Variants in LYN observed in about 807,000 individuals in gnomAD.
LYN encodes LYN proto-oncogene, Src family tyrosine kinase, also known as tyrosine-protein kinase Lyn.
In LYN, 12 loss-of-function variants were observed where a neutral mutation model predicts 65.0. That is an observed-to-expected ratio of 0.18 (90% CI 0.12 to 0.30). The LOEUF is 0.30. Ranked by LOEUF, LYN falls within the 10% of genes least tolerant of loss-of-function variation. LYN has a pLI of 1.00. For synonymous variants in LYN, 222 were observed against 221.2 expected (o/e 1.00, Z -0.03); for missense variants, 380 against 623.2 (o/e 0.61, Z 4.16).
At chr8:55,900,539 ATTT>A (rs5891598) in intron 1 of LYN, among the ~76,000 whole-genome samples, 46 of 126,380 alleles carry the variant, frequency 3.6e-4, no homozygotes, top group African/African-American at 7.5e-4. Context: ...TGCCCAGCTA[ATTT>A]TTTTTTTTTT....
At position 55,928,303 on chromosome 8, in the gene LYN, G is replaced by A. The variant is rs538400357; in HGVS notation, c.-5-13552G>A. On this transcript the variant is annotated intron_variant, in intron 1 of 12. Coordinates refer to ENST00000519728, the MANE Select transcript of LYN (RefSeq NM_002350.4). ...TGGGACTATAGGCAAGCGCCACCAC[G>A]CCCGGCTAGTTTTTGTATTTTTAGT... Among the ~76,000 whole-genome samples the A allele has an allele frequency of 1.1e-4, 16 of 152,198 alleles. No individual in the cohort carries two copies. The South Asian group carries it at 1.2e-3, about 12-fold the overall frequency.
At chr8:55,960,722 A>G (rs1807247443) in intron 8 of LYN, among the ~76,000 whole-genome samples, 1 of 152,226 alleles carries the variant, frequency 6.6e-6, no homozygotes, top group Non-Finnish European at 1.5e-5. Flanking sequence ...CTGTTAACCC[A>G]GTAAGTTAAT....
At chr8:55,975,093 A>T (rs1385622416) in intron 10 of LYN, among the ~76,000 whole-genome samples, 1 of 152,244 alleles carries the variant, frequency 6.6e-6, no homozygotes, top group Non-Finnish European at 1.5e-5. Flanking sequence ...CATGAATTTC[A>T]TAGAGGAATC....
At chr8:55,978,723 C>T (rs1023681884) in intron 10 of LYN, among the ~76,000 whole-genome samples, 4 of 152,274 alleles carry the variant, frequency 2.6e-5, no homozygotes, top group Non-Finnish European at 4.4e-5. Flanking sequence ...GCAGCGCAGG[C>T]GACGGAGTTC....
intron 10 of LYN, among the ~76,000 whole-genome samples, chr8:55,991,589 C>T (rs1321483213): frequency 1.3e-5 from 2 of 152,088 alleles, no homozygotes; most frequent in African/African-American, 4.8e-5. Context: ...AAGAGTTTCA[C>T]CAGAACCCCC....
chr8:55,935,881 C>A (rs1241318574), intron 1 of LYN, among the ~76,000 whole-genome samples: 2 of 151,880 alleles, frequency 1.3e-5, no homozygotes, highest in African/African-American at 4.8e-5. Flanking sequence ...AGTGCTAGTG[C>A]CCTCACCAAG....
At chr8:55,954,673 A>G (rs920019433) in intron 8 of LYN, among the ~76,000 whole-genome samples, 1 of 152,068 alleles carries the variant, frequency 6.6e-6, no homozygotes, top group African/African-American at 2.4e-5. Context: ...CCCTGTCTCT[A>G]CAAATAAAGA....
chr8:55,962,654 C>T (rs951804931), intron 8 of LYN, among the ~76,000 whole-genome samples: 5 of 152,156 alleles, frequency 3.3e-5, no homozygotes, highest in African/African-American at 1.2e-4. Flanking sequence ...TTGTGCTGTG[C>T]TGCATGTGTT....
At chr8:55,955,874 A>T (rs1807091990) in intron 8 of LYN, among the ~76,000 whole-genome samples, 1 of 152,250 alleles carries the variant, frequency 6.6e-6, no homozygotes, top group African/African-American at 2.4e-5. Flanking sequence ...ATGGCTGAGT[A>T]ATATTCCATT....
rs1270169737 is a variant in LYN, at chr8:56,010,765, C to G, written c.*655C>G. 3 of 230,666 alleles carry G rather than the reference C, an allele frequency of 1.3e-5. No individual in the cohort carries two copies. The highest frequency in any genetic ancestry group is 5.6e-5 in the Admixed American group (1 of 17,708). 14.3% of individuals were successfully genotyped at this position (230,666 alleles called of 1,614,324 possible). Reference sequence around the variant, plus strand: ...ATAGGAGTGGCGTGCACATCTCTCTCTCTTCCAGCAGGAGGAGCCCGTGAG... The same window carrying G: ...ATAGGAGTGGCGTGCACATCTCTCTGTCTTCCAGCAGGAGGAGCCCGTGAG... On this transcript the variant is annotated 3_prime_UTR_variant, in exon 13 of 13. Coordinates refer to ENST00000519728, the MANE Select transcript of LYN (RefSeq NM_002350.4).
At chr8:55,945,119 G>T (rs943416513) in intron 2 of LYN, among the ~76,000 whole-genome samples, 16 of 152,242 alleles carry the variant, frequency 1.1e-4, no homozygotes, top group Middle Eastern at 3.4e-3. Context: ...GGTGAGGTAG[G>T]GTTGATGCAA....
In LYN at chr8:55,963,969, T is replaced by G. The variant is rs117699214; in HGVS notation, c.791-2746T>G. Among the ~76,000 whole-genome samples the G allele has an allele frequency of 5.7e-4, 87 of 152,342 alleles. 2 individuals carry two copies. In the East Asian group the frequency reaches 0.016, roughly 29 times the overall value. On this transcript the variant is annotated intron_variant, in intron 8 of 12. Coordinates refer to ENST00000519728, the MANE Select transcript of LYN (RefSeq NM_002350.4). ...TAAAAAATTTATAATAAAACCTTTT[T>G]GATTTAAATGTAATATTAAAAGGCT... is the stretch of plus-strand genomic sequence containing the variant.
intron 9 of LYN, among the ~76,000 whole-genome samples, chr8:55,969,144 G>A (rs1358613299): frequency 6.6e-6 from 1 of 152,140 alleles, no homozygotes; most frequent in African/African-American, 2.4e-5. Context: ...TGGGTGTGAT[G>A]GCATGTACCC....
intron 1 of LYN, among the ~76,000 whole-genome samples, chr8:55,911,098 T>TATACACAC (rs1162508957): frequency 8.6e-5 from 1 of 11,692 alleles, no homozygotes; most frequent in Admixed American, 8.1e-4. Context: ...TATATATATA[T>TATACACAC]ACATACACGT....
At chr8:55,987,535 G>A (rs1260705492) in intron 10 of LYN, among the ~76,000 whole-genome samples, 1 of 152,250 alleles carries the variant, frequency 6.6e-6, no homozygotes. Context: ...TCAAGCCTCA[G>A]CTTCCCAAAT....
At chr8:56,007,310 A>T (rs867668888) in intron 12 of LYN, among the ~76,000 whole-genome samples, 1 of 152,356 alleles carries the variant, frequency 6.6e-6, no homozygotes. Context: ...AATTTATCCA[A>T]GTTATAAGAG....
chr8:55,945,668 G>T (rs1806754373), intron 2 of LYN, among the ~76,000 whole-genome samples: 2 of 152,188 alleles, frequency 1.3e-5, no homozygotes, highest in South Asian at 4.1e-4. Flanking sequence ...GTGAAGAAAA[G>T]AATTTGATTT....
chr8:55,941,101 T>A (rs542230816), intron 1 of LYN, among the ~76,000 whole-genome samples: 150 of 152,344 alleles, frequency 9.8e-4, no homozygotes, highest in Non-Finnish European at 1.7e-3. Context: ...CCTAGGCCCC[T>A]ACCTATGTTT....
intron 8 of LYN, among the ~76,000 whole-genome samples, chr8:55,963,350 G>A (rs1018430822): frequency 6.6e-6 from 1 of 152,156 alleles, no homozygotes; most frequent in Non-Finnish European, 1.5e-5. Flanking sequence ...CAGTCCCCAC[G>A]TCCCCTTTCC....
Sources: allele counts gnomAD v4.1 joint callset (sites outside exome capture counted in the v4.1 genomes callset), GRCh38; gene constraint gnomAD v4.1.1; transcripts MANE v1.5; gene names NCBI Gene and HGNC (gene_info 2026-07-23, HGNC 2026-07-21).